The following KITLG variants were observed in gnomAD, a reference collection of about 807,000 sequenced individuals.
KITLG encodes the protein KIT ligand.
In KITLG, 13 loss-of-function variants were observed where a neutral mutation model predicts 34.1. That is an observed-to-expected ratio of 0.38 (90% CI 0.25 to 0.61). KITLG has a LOEUF of 0.61. KITLG is among the 20% of genes least tolerant of loss of function. The probability of loss-of-function intolerance (pLI) is 0.60; values close to 1 mark genes in which losing one functional copy is unlikely to be tolerated. For synonymous variants in KITLG, 110 were observed against 104.0 expected (o/e 1.06, Z -0.35); for missense variants, 292 against 318.9 (o/e 0.92, Z 0.64).
intron 3 of KITLG, among the ~76,000 whole-genome samples, chr12:88,519,356 T>C (rs1171020238): frequency 6.6e-6 from 1 of 152,136 alleles, no homozygotes; most frequent in East Asian, 1.9e-4. Context: ...TCTTTTCTCT[T>C]ATAAAGATCT....
chr12:88,506,174 T>C, intron 8 of KITLG, 137 bp downstream of exon 8: 1 of 696,358 alleles, frequency 1.4e-6, no homozygotes, highest in South Asian at 1.6e-5. Flanking sequence ...ATCAGAAACA[T>C]GGATAGAGTT....
chr12:88,557,887 C>T (rs1177991621), intron 1 of KITLG, among the ~76,000 whole-genome samples: 2 of 152,130 alleles, frequency 1.3e-5, no homozygotes, highest in Admixed American at 6.5e-5. Context: ...TTGTACATCA[C>T]CCTGATGTAC....
chr12:88,539,433 C>T (rs1244020136), intron 2 of KITLG, among the ~76,000 whole-genome samples: 2 of 152,110 alleles, frequency 1.3e-5, no homozygotes, highest in East Asian at 3.9e-4. Flanking sequence ...TCATCGTTCA[C>T]TCAGGTACAG....
At chr12:88,531,139 A>C (rs1870069077) in intron 3 of KITLG, among the ~76,000 whole-genome samples, 1 of 152,218 alleles carries the variant, frequency 6.6e-6, no homozygotes, top group East Asian at 1.9e-4. Flanking sequence ...CAAAGTATAG[A>C]AGCTTAACAT....
At position 88,545,636 on chromosome 12, in the gene KITLG, C is replaced by T. The variant is rs545089489; in HGVS notation, c.129+116G>A. 17 of 637,962 alleles carry T rather than the reference C, an allele frequency of 2.7e-5. No individual in the cohort carries two copies. The South Asian group carries it at 3.2e-4, about 12-fold the overall frequency. 39.5% of individuals were successfully genotyped at this position (637,962 alleles called of 1,614,324 possible). A position where few individuals can be genotyped will look rare whatever the true frequency, so the allele number is the denominator to read the frequency against. ...TATTGTAACCCAGTGATTACTTTCC[C>T]CACTTTAGGAAAACATTACTTTGGG... is the stretch of plus-strand genomic sequence containing the variant. On this transcript the variant is annotated intron_variant, in intron 2 of 9. Coordinates refer to ENST00000644744, the MANE Select transcript of KITLG (RefSeq NM_000899.5).
intron 3 of KITLG, among the ~76,000 whole-genome samples, chr12:88,522,426 C>CTT (rs3060347): frequency 1.9e-5 from 2 of 105,734 alleles, no homozygotes; most frequent in Non-Finnish European, 3.9e-5. Flanking sequence ...GATGCACAGT[C>CTT]TTTTTTTTTT....
chr12:88,579,493 AGC>A (rs1200817971), intron 1 of KITLG, among the ~76,000 whole-genome samples: 1 of 152,154 alleles, frequency 6.6e-6, no homozygotes, highest in East Asian at 1.9e-4. Context: ...CCCCCCAGGC[AGC>A]GCTTTACCCA....
chr12:88,566,580 G>C (rs143083833), intron 1 of KITLG, among the ~76,000 whole-genome samples: 1 of 152,160 alleles, frequency 6.6e-6, no homozygotes, highest in African/African-American at 2.4e-5. Flanking sequence ...ACCCAAATGC[G>C]AGGCCCTCAG....
chr12:88,579,771 C>G (rs1275409025), intron 1 of KITLG, among the ~76,000 whole-genome samples: 1 of 151,932 alleles, frequency 6.6e-6, no homozygotes, highest in East Asian at 2.0e-4. Flanking sequence ...GCTTCGCTCC[C>G]GCGGCTGCAC....
At chr12:88,551,951 A>C (rs1566031736) in intron 1 of KITLG, among the ~76,000 whole-genome samples, 1 of 152,132 alleles carries the variant, frequency 6.6e-6, no homozygotes, top group Non-Finnish European at 1.5e-5. Flanking sequence ...GCGATGATGG[A>C]AGAAGGGTCG....
chr12:88,518,228 T>C (rs1869523254), intron 4 of KITLG, among the ~76,000 whole-genome samples: 1 of 152,152 alleles, frequency 6.6e-6, no homozygotes, highest in Non-Finnish European at 1.5e-5. Flanking sequence ...CTATTCCATA[T>C]GTCATGCCCA....
chr12:88,499,333 A>C (rs1387957152), intron 9 of KITLG, among the ~76,000 whole-genome samples: 1 of 152,194 alleles, frequency 6.6e-6, no homozygotes, highest in Non-Finnish European at 1.5e-5. Context: ...CTTGAGGCCT[A>C]AATTTCCAAG....
intron 1 of KITLG, among the ~76,000 whole-genome samples, chr12:88,572,579 TA>T (rs1871688787): frequency 1.6e-5 from 2 of 126,134 alleles, no homozygotes; most frequent in Non-Finnish European, 3.3e-5. Flanking sequence ...ACATTATATA[TA>T]TATTATATAC....
intron 1 of KITLG, among the ~76,000 whole-genome samples, chr12:88,562,829 G>A (rs1871338801): frequency 6.6e-6 from 1 of 152,114 alleles, no homozygotes; most frequent in Admixed American, 6.5e-5. Flanking sequence ...TGCTTCTCCT[G>A]GTAGATGTGG....
At chr12:88,500,524 TAG>T (rs1363315865) in intron 9 of KITLG, among the ~76,000 whole-genome samples, 6 of 152,246 alleles carry the variant, frequency 3.9e-5, no homozygotes, top group African/African-American at 1.4e-4. Flanking sequence ...ATGCACCTGC[TAG>T]AGTTTGTTGG....
rs560346596 is a variant in KITLG at position 88,513,333 on chromosome 12, CA to C, written c.604+2200del. ...AAACACTAGAAAAAAAATAATTAACCAAAAAAAAAGGGCTAGAAATAAGGAA... is the reference window on the plus strand; with the variant it reads ...AAACACTAGAAAAAAAATAATTAACCAAAAAAAAGGGCTAGAAATAAGGAA... On this transcript the variant is annotated intron_variant, in intron 6 of 9. Coordinates refer to ENST00000644744, the MANE Select transcript of KITLG (RefSeq NM_000899.5). Among the ~76,000 whole-genome samples, 224 of 146,118 alleles carry C rather than the reference CA, an allele frequency of 1.5e-3. 6 individuals are homozygous for C. In the South Asian group the frequency reaches 0.043, roughly 28 times the overall value.
intron 9 of KITLG, among the ~76,000 whole-genome samples, chr12:88,504,543 C>T (rs1408830496): frequency 6.6e-6 from 1 of 152,064 alleles, no homozygotes; most frequent in Non-Finnish European, 1.5e-5. Context: ...CAGAGAAATG[C>T]AAATCAAAAC....
In KITLG at chr12:88,545,949, C is replaced by T. The variant is rs890197682; in HGVS notation, c.16-84G>A. The T allele has an allele frequency of 1.4e-4, 110 of 801,270 alleles. 3 individuals are homozygous for T. Among genetic ancestry groups the T allele is most frequent in the South Asian group, 1.0e-3 (74 of 72,100 alleles). 49.6% of individuals were successfully genotyped at this position (801,270 alleles called of 1,614,324 possible). A position where few individuals can be genotyped will look rare whatever the true frequency, so the allele number is the denominator to read the frequency against. On this transcript the variant is annotated intron_variant, in intron 1 of 9. Coordinates refer to ENST00000644744, the MANE Select transcript of KITLG (RefSeq NM_000899.5). ...ACTTTTAACATCTAATGCCTTGATG[C>T]ACAAAAAGACCAGTCTAATATATGT... is the stretch of plus-strand genomic sequence containing the variant.
intron 6 of KITLG, 48 bp from the exon 7 acceptor site, chr12:88,507,185 A>C: frequency 8.4e-7 from 1 of 1,191,162 alleles, no homozygotes; most frequent in Non-Finnish European, 1.3e-6. Flanking sequence ...CCATTCTAGA[A>C]GTTTTGCTCT....
Sources: gnomAD v4.1 joint callset for allele counts (sites outside exome capture counted in the v4.1 genomes callset) on GRCh38, gnomAD v4.1.1 for gene constraint, MANE v1.5 for transcripts, NCBI Gene and HGNC (gene_info 2026-07-23, HGNC 2026-07-21) for gene names.